Variants in RAI1 observed in about 807,000 individuals in gnomAD.
RAI1 encodes the protein retinoic acid induced 1.
A neutral mutation model predicts 123.8 loss-of-function variants in RAI1; 9 were observed. The observed-to-expected ratio is 0.07, with a 90% CI of 0.04 to 0.13. The LOEUF is 0.13. RAI1 is among the 10% of genes least tolerant of loss of function. The pLI, the probability that RAI1 is intolerant of heterozygous loss-of-function variation, is 1.00. For missense variants in RAI1, 2,256 were observed against 2,545.8 expected (o/e 0.89, Z 2.45); for synonymous variants, 1,231 against 1,127.3 (o/e 1.09, Z -1.84).
At chr17:17,783,902 C>G (rs527291620) in intron 2 of RAI1, among the ~76,000 whole-genome samples, 1 of 152,166 alleles carries the variant, frequency 6.6e-6, no homozygotes, top group Non-Finnish European at 1.5e-5. Flanking sequence ...AGCTTGCCAA[C>G]TGGAAAGCCG....
intron 2 of RAI1, chr17:17,776,658 C>CTTTTTTTTTTTTTTT (rs3075548): frequency 3.4e-5 from 2 of 59,334 alleles, no homozygotes; most frequent in African/African-American, 1.6e-4. Context: ...GCCTGGCTCA[C>CTTTTTTTTTTTTTTT]TTTTTTTTTT....
chr17:17,689,328 TGAG>T (rs1410597799), intron 1 of RAI1, among the ~76,000 whole-genome samples: 1 of 152,184 alleles, frequency 6.6e-6, no homozygotes, highest in Non-Finnish European at 1.5e-5. Context: ...TTGGCCAAAA[TGAG>T]GAGTTTGGTG....
chr17:17,729,153 A>C (rs374901148), intron 2 of RAI1, among the ~76,000 whole-genome samples: 175 of 152,278 alleles, frequency 1.1e-3, no homozygotes, highest in Non-Finnish European at 1.2e-3. Context: ...CAGACCAGCC[A>C]CAGGTGCCCC....
chr17:17,687,434 G>A (rs1332765401), intron 1 of RAI1, among the ~76,000 whole-genome samples: 2 of 152,160 alleles, frequency 1.3e-5, no homozygotes, highest in Non-Finnish European at 2.9e-5. Flanking sequence ...GGGACCCCGT[G>A]GAGACAGCTG....
Position 17,681,704 on chromosome 17 carries a change from C to G in RAI1, c.-238C>G. ...GCCTGGCCGCGGGCCGGCCGGGCCG[C>G]CGCGCCCCGACCCCCATGGCCACCC... is the stretch of plus-strand genomic sequence containing the variant. On this transcript the variant is annotated 5_prime_UTR_variant, in exon 1 of 6. Coordinates refer to ENST00000353383, the MANE Select transcript of RAI1 (RefSeq NM_030665.4). 3.3e-6 allele frequency: 1 copy of G among 304,220 alleles called. No individual in the cohort carries two copies. 18.8% of individuals were successfully genotyped at this position (304,220 alleles called of 1,614,324 possible).
At chr17:17,725,259 G>C (rs757419673) in intron 2 of RAI1, among the ~76,000 whole-genome samples, 436 of 152,286 alleles carry the variant, frequency 2.9e-3, no homozygotes, top group Non-Finnish European at 4.8e-3. Context: ...TCCAACCTCA[G>C]CCTCCTCCCC....
chr17:17,736,814 G>T (rs911596809), intron 2 of RAI1, among the ~76,000 whole-genome samples: 1 of 152,136 alleles, frequency 6.6e-6, no homozygotes, highest in East Asian at 1.9e-4. Context: ...TTCTGGAAAT[G>T]GATTCTTTCT....
At chr17:17,755,865 G>T (rs933386384) in intron 2 of RAI1, among the ~76,000 whole-genome samples, 6 of 152,214 alleles carry the variant, frequency 3.9e-5, no homozygotes, top group Non-Finnish European at 8.8e-5. Flanking sequence ...CACAGCTTGG[G>T]CAGGGCTGTA....
At chr17:17,705,040 C>G (rs974569767) in intron 1 of RAI1, among the ~76,000 whole-genome samples, 1 of 152,178 alleles carries the variant, frequency 6.6e-6, no homozygotes, top group African/African-American at 2.4e-5. Flanking sequence ...CTCCCTGCTA[C>G]CCCAGTGGAT....
At chr17:17,807,247 G>A (rs140881730) in intron 4 of RAI1, among the ~76,000 whole-genome samples, 2 of 150,850 alleles carry the variant, frequency 1.3e-5, no homozygotes, top group East Asian at 2.0e-4. Flanking sequence ...CCAGCCAGGC[G>A]GTGGGGGGGG....
intron 2 of RAI1, among the ~76,000 whole-genome samples, chr17:17,740,182 C>T (rs1567863265): frequency 1.3e-5 from 2 of 152,212 alleles, no homozygotes; most frequent in African/African-American, 4.8e-5. Flanking sequence ...GACCCTTGGG[C>T]TTCTCTGTGC....
intron 1 of RAI1, among the ~76,000 whole-genome samples, chr17:17,693,879 G>A (rs1598015444): frequency 6.6e-6 from 1 of 152,314 alleles, no homozygotes; most frequent in Non-Finnish European, 1.5e-5. Context: ...AGTAGCGAGT[G>A]CCACTACGTG....
intron 2 of RAI1, among the ~76,000 whole-genome samples, chr17:17,742,654 G>A (rs372805003): frequency 2.0e-5 from 3 of 152,286 alleles, no homozygotes; most frequent in East Asian, 3.9e-4. Context: ...GTGTGAAGTC[G>A]CAAGTTCATG....
chr17:17,740,295 G>A (rs1916580513), intron 2 of RAI1, among the ~76,000 whole-genome samples: 1 of 152,174 alleles, frequency 6.6e-6, no homozygotes, highest in African/African-American at 2.4e-5. Flanking sequence ...GGGGTCCCTA[G>A]CTCCTCCTCT....
rs1432085146 is a variant in RAI1, at chr17:17,797,913, C to T, written c.4965C>T (p.Gly1655=). 1.2e-6 allele frequency: 2 copies of T among 1,613,998 alleles called. No homozygotes were observed. Among genetic ancestry groups the T allele is most frequent in the South Asian group, 1.1e-5 (1 of 91,080 alleles). ...CCTCCCTGGCCACACTCCCTGGAGG[C>T]TCCATCCTGCAGCCGCGGCCCTCCT... The part of the protein sequence containing the change: ...AGASLATLPG[G]SILQPRPSLP... The change falls in exon 3 of 6, where the codon GGC becomes GGT. Residue 1655 remains glycine, a synonymous_variant. Transcript: ENST00000353383.
In RAI1 at chr17:17,731,337, A is replaced by C. The variant is rs542337521; in HGVS notation, c.-17+7178A>C. ...CCCTGGCGAAGGCACCCAAAGGGAC[A>C]GGGGCTGGGTCTCCAAGGGGAAGCA... On this transcript the variant is annotated intron_variant, in intron 2 of 5. Coordinates refer to ENST00000353383, the MANE Select transcript of RAI1 (RefSeq NM_030665.4). 2.0e-4 allele frequency among the ~76,000 whole-genome samples: 30 copies of C among 152,346 alleles called. No homozygotes were observed. The East Asian group carries it at 4.2e-3, about 22-fold the overall frequency.
intron 2 of RAI1, among the ~76,000 whole-genome samples, chr17:17,732,500 TG>T (rs1233983716): frequency 6.6e-6 from 1 of 152,168 alleles, no homozygotes; most frequent in African/African-American, 2.4e-5. Context: ...CGTCCTTCCT[TG>T]GGCATCTCCT....
chr17:17,699,284 T>C (rs1915137233), intron 1 of RAI1, among the ~76,000 whole-genome samples: 1 of 152,222 alleles, frequency 6.6e-6, no homozygotes. Context: ...TTTGGAATGC[T>C]GGAGGCACTG....
chr17:17,805,158 G>T (rs1316898347), intron 4 of RAI1, among the ~76,000 whole-genome samples: 2 of 152,154 alleles, frequency 1.3e-5, no homozygotes, highest in African/African-American at 4.8e-5. Flanking sequence ...ACTGTGCCCG[G>T]CCCCTAGTAG....
Sources: gnomAD v4.1 joint callset for allele counts (sites outside exome capture counted in the v4.1 genomes callset) on GRCh38, gnomAD v4.1.1 for gene constraint, MANE v1.5 for transcripts, NCBI Gene and HGNC (gene_info 2026-07-23, HGNC 2026-07-21) for gene names.